The following ZNF430 variants were observed in gnomAD, a reference collection of about 807,000 sequenced individuals.
ZNF430 encodes the protein zinc finger protein 430.
ZNF430 carries 35 observed loss-of-function variants against 56.7 expected under a neutral mutation model. That is an observed-to-expected ratio of 0.62 (90% CI 0.47 to 0.82). The LOEUF (loss-of-function observed/expected upper bound fraction) is 0.82. ZNF430 is among the 40% of genes least tolerant of loss of function. The pLI, the probability that ZNF430 is intolerant of heterozygous loss-of-function variation, is 0.00. For synonymous variants in ZNF430, 212 were observed against 224.3 expected, an observed-to-expected ratio of 0.94 and a Z score of 0.49; for missense variants, 574 against 661.0, an observed-to-expected ratio of 0.87 and a Z score of 1.44.
rs182044624 is a variant in ZNF430 at position 21,056,107 on chromosome 19, C to T, written c.323-524C>T. Reference sequence around the variant, plus strand: ...TGTTGTGCTCAGCTGGGGCACTTCACACACTTAACTTATTTATAAATTTTC... The same window carrying T: ...TGTTGTGCTCAGCTGGGGCACTTCATACACTTAACTTATTTATAAATTTTC... On this transcript the variant is annotated intron_variant, in intron 4 of 4. Coordinates refer to ENST00000261560, the MANE Select transcript of ZNF430 (RefSeq NM_025189.4). Among the ~76,000 whole-genome samples the T allele has an allele frequency of 1.8e-3, 274 of 152,302 alleles. 1 individual carries two copies. The highest frequency in any genetic ancestry group is 6.4e-3 in the African/African-American group (267 of 41,562).
intron 4 of ZNF430, among the ~76,000 whole-genome samples, chr19:21,048,124 T>C (rs1051627644): frequency 4.7e-5 from 7 of 150,452 alleles, no homozygotes; most frequent in African/African-American, 1.5e-4. Flanking sequence ...CACCTTGAAG[T>C]ATAATGTAAT....
At chr19:21,048,164 CTTTTTTTTTTTTTTTTTTT>C (rs536496163) in intron 4 of ZNF430, among the ~76,000 whole-genome samples, 12 of 59,814 alleles carry the variant, frequency 2.0e-4, no homozygotes, top group Admixed American at 6.2e-4. Context: ...CATAAAACAT[CTTTTTTTTTTTTTTTTTTT>C]TTTTTTTTTT....
Position 21,057,031 on chromosome 19 carries a change from C to G in ZNF430, c.723C>G (p.Val241=). ...NSYQCEECGK[V]FNWFSTLTRH... is the part of the protein sequence containing the mutation. ...ACCAATGTGAAGAATGTGGTAAAGT[C>G]TTTAACTGGTTCTCAACCCTTACTA... Residue 241 remains valine, a synonymous_variant, in exon 5 of 5, where the codon GTC becomes GTG. Coordinates refer to ENST00000261560, the MANE Select transcript of ZNF430 (RefSeq NM_025189.4). The G allele has an allele frequency of 1.2e-6, 2 of 1,614,008 alleles. No individual in the cohort carries two copies. The highest frequency in any genetic ancestry group is 2.2e-5 in the South Asian group (2 of 91,038).
At chr19:21,053,157 T>C (rs1334475341) in intron 4 of ZNF430, among the ~76,000 whole-genome samples, 1 of 152,070 alleles carries the variant, frequency 6.6e-6, no homozygotes, top group Non-Finnish European at 1.5e-5. Context: ...CAATTATCTA[T>C]GTTGCAAACT....
intron 2 of ZNF430, among the ~76,000 whole-genome samples, chr19:21,026,606 T>G (rs1026458570): frequency 6.6e-6 from 1 of 152,182 alleles, no homozygotes; most frequent in African/African-American, 2.4e-5. Flanking sequence ...TGGGATTATG[T>G]TTTTGATTTG....
intron 4 of ZNF430, among the ~76,000 whole-genome samples, chr19:21,044,694 T>C (rs1968158643): frequency 6.6e-6 from 1 of 152,212 alleles, no homozygotes; most frequent in Non-Finnish European, 1.5e-5. Context: ...AGAATTCAGC[T>C]GTAAATCCAT....
At chr19:21,021,476 G>A (rs932223429) in intron 1 of ZNF430, among the ~76,000 whole-genome samples, 3 of 152,002 alleles carry the variant, frequency 2.0e-5, no homozygotes, top group African/African-American at 7.2e-5. Context: ...TACAGCCTGT[G>A]TAACAGAGCA....
intron 4 of ZNF430, among the ~76,000 whole-genome samples, chr19:21,046,504 T>G (rs549265802): frequency 2.0e-5 from 3 of 152,258 alleles, no homozygotes; most frequent in East Asian, 3.9e-4. Flanking sequence ...GTTTAGTGCT[T>G]CTTTCAGGAG....
chr19:21,023,068 G>A (rs2144746349), intron 2 of ZNF430, among the ~76,000 whole-genome samples, 187 bp downstream of exon 2: 1 of 152,192 alleles, frequency 6.6e-6, no homozygotes, highest in South Asian at 2.1e-4. Context: ...GGAAAAAAGT[G>A]GAACATTTGT....
chr19:21,023,830 C>T (rs1967743845), intron 2 of ZNF430, among the ~76,000 whole-genome samples: 1 of 152,098 alleles, frequency 6.6e-6, no homozygotes, highest in Non-Finnish European at 1.5e-5. Context: ...CTTGGTACCA[C>T]CTAGAAGTTT....
At chr19:21,032,259 A>G (rs1416856372) in intron 2 of ZNF430, among the ~76,000 whole-genome samples, 2 of 148,570 alleles carry the variant, frequency 1.3e-5, no homozygotes, top group Non-Finnish European at 3.0e-5. Flanking sequence ...CTAGGGTGCT[A>G]AAGAAAGACT....
intron 4 of ZNF430, among the ~76,000 whole-genome samples, chr19:21,055,392 T>G (rs1025772402): frequency 1.2e-4 from 18 of 152,082 alleles, no homozygotes; most frequent in Non-Finnish European, 2.4e-4. Context: ...CAATTTTGTG[T>G]TTATTTTTTA....
At chr19:21,031,732 A>G (rs1344458672) in intron 2 of ZNF430, among the ~76,000 whole-genome samples, 4 of 152,206 alleles carry the variant, frequency 2.6e-5, no homozygotes, top group African/African-American at 9.6e-5. Context: ...CAGAGAAAGA[A>G]AGAGAAAAAA....
chr19:21,025,843 G>A (rs1967783241), intron 2 of ZNF430: 2 of 247,852 alleles, frequency 8.1e-6, no homozygotes, highest in Non-Finnish European at 1.5e-5. Flanking sequence ...CATTGGAACT[G>A]GGAAACCTCC....
chr19:21,022,862 TG>T lies in ZNF430; in HGVS notation c.78del (p.Tyr27ThrfsTer9). 6.2e-7 allele frequency: 1 copy of T among 1,613,608 alleles called. No individual in the cohort carries two copies. The highest frequency in any genetic ancestry group is 8.5e-7 in the Non-Finnish European group (1 of 1,179,548). Reference protein sequence around the residue: ...GCPGADRNLLVYSFYEKGPLT... With the variant: ...GCPGADRNLLXYSFYEKGPLT... ...CCTGGGGCTGACAGGAATCTTCTGG[TG>T]TACTCTTTTTATGAAAAGGTAACCC... On this transcript the variant is annotated frameshift_variant, in exon 2 of 5. Transcript: ENST00000261560. LOFTEE classifies it high-confidence loss of function.
At chr19:21,042,629 A>G (rs1968123846) in intron 4 of ZNF430, among the ~76,000 whole-genome samples, 1 of 152,118 alleles carries the variant, frequency 6.6e-6, no homozygotes, top group African/African-American at 2.4e-5. Context: ...CCTGCTAAAA[A>G]TATAAAAAAT....
In ZNF430 at chr19:21,020,676, G is replaced by A; in HGVS notation, c.-125G>A. 7.1e-7 allele frequency: 1 copy of A among 1,413,106 alleles called. No individual in the cohort carries two copies. Among genetic ancestry groups the A allele is most frequent in the Non-Finnish European group, 9.9e-7 (1 of 1,008,234 alleles). The allele number at this position is 1,413,106 out of a possible 1,614,324, so 87.5% of individuals were successfully genotyped here. A position where few individuals can be genotyped will look rare whatever the true frequency, so the allele number is the denominator to read the frequency against. On this transcript the variant is annotated 5_prime_UTR_variant, in exon 1 of 5. Coordinates refer to ENST00000261560, the MANE Select transcript of ZNF430 (RefSeq NM_025189.4). ...GCCTTTGTCCCTCGCTGTGGCCTGA[G>A]CTCCAGGTCTCGTCTTCAGCGCTCT... is the stretch of plus-strand genomic sequence containing the variant.
intron 2 of ZNF430, among the ~76,000 whole-genome samples, chr19:21,028,667 T>G (rs988861516): frequency 5.3e-5 from 8 of 151,972 alleles, no homozygotes; most frequent in African/African-American, 1.9e-4. Flanking sequence ...AGTCATTCTG[T>G]GTGTGTGTGG....
rs1244755180 is a variant in ZNF430, at chr19:21,059,700, ACT to A, written c.*1683_*1684del. On this transcript the variant is annotated 3_prime_UTR_variant, in exon 5 of 5. Transcript: ENST00000261560. The stretch of plus-strand genomic sequence containing the variant: ...TTTTTGTAAATAATGATGTAATTCA[ACT>A]CTCAAAATATTTCCTACTGTTTCTT... 2.6e-5 allele frequency: 4 copies of A among 151,910 alleles called. No homozygotes were observed. Among genetic ancestry groups the A allele is most frequent in the Admixed American group, 6.6e-5 (1 of 15,222 alleles). The allele number at this position is 151,910 out of a possible 1,614,324, so 9.4% of individuals were successfully genotyped here. A position where few individuals can be genotyped will look rare whatever the true frequency, so the allele number is the denominator to read the frequency against.
Sources: allele counts gnomAD v4.1 joint callset (sites outside exome capture counted in the v4.1 genomes callset), GRCh38; gene constraint gnomAD v4.1.1; transcripts MANE v1.5; gene names NCBI Gene and HGNC (gene_info 2026-07-23, HGNC 2026-07-21).